Variants in KPNA1 observed in about 807,000 individuals in gnomAD.
The protein encoded by KPNA1 is karyopherin subunit alpha 1.
KPNA1 carries 10 observed loss-of-function variants against 70.5 expected under a neutral mutation model. The observed-to-expected ratio is 0.14, with a 90% CI of 0.09 to 0.24. The LOEUF (loss-of-function observed/expected upper bound fraction) is 0.24, where lower values mean the gene tolerates loss of function less well. Among genes scored for constraint, KPNA1 ranks in the 10% least tolerant of loss-of-function variants. KPNA1 has a pLI of 1.00. For missense variants in KPNA1, 397 were observed against 637.9 expected (o/e 0.62, Z 4.07); for synonymous variants, 192 against 221.9 (o/e 0.87, Z 1.20).
At chr3:122,481,492 T>C (rs1178579642) in intron 2 of KPNA1, among the ~76,000 whole-genome samples, 5 of 152,036 alleles carry the variant, frequency 3.3e-5, no homozygotes, top group Non-Finnish European at 5.9e-5. Context: ...AGACAGAAAG[T>C]AGATAAGGGT....
At chr3:122,474,836 A>G (rs772386813) in intron 2 of KPNA1, among the ~76,000 whole-genome samples, 1 of 152,174 alleles carries the variant, frequency 6.6e-6, no homozygotes, top group Non-Finnish European at 1.5e-5. Flanking sequence ...TCAACAAATT[A>G]GGTATAGAAA....
intron 5 of KPNA1, among the ~76,000 whole-genome samples, chr3:122,458,787 C>G (rs72958441): frequency 0.023 from 3,430 of 152,270 alleles, 91 homozygotes; most frequent in East Asian, 0.12. Context: ...ATCATCAAGT[C>G]TCCTGGCTTT....
chr3:122,461,205 A>G lies in KPNA1; in HGVS notation c.432+19T>C. On this transcript the variant is annotated intron_variant, in intron 5 of 13. Coordinates refer to ENST00000344337, the MANE Select transcript of KPNA1 (RefSeq NM_002264.4). ...AAAAGGAATTAAGTTATGAGGCAAT[A>G]AATAAAAATTATTCGCACCTGCAGT... is the stretch of plus-strand genomic sequence containing the variant. 2.7e-6 allele frequency: 4 copies of G among 1,491,156 alleles called. No homozygotes were observed. Among genetic ancestry groups the G allele is most frequent in the Non-Finnish European group, 3.7e-6 (4 of 1,088,838 alleles). The allele number at this position is 1,491,156 out of a possible 1,614,324, so 92.4% of individuals were successfully genotyped here. A position where few individuals can be genotyped will look rare whatever the true frequency, so the allele number is the denominator to read the frequency against.
At chr3:122,503,313 A>T (rs981908798) in intron 1 of KPNA1, among the ~76,000 whole-genome samples, 1 of 152,164 alleles carries the variant, frequency 6.6e-6, no homozygotes, top group Non-Finnish European at 1.5e-5. Context: ...AAAGATAAAC[A>T]ATTGAGAAAT....
In KPNA1 at chr3:122,451,679, T is replaced by C; in HGVS notation, c.654-46A>G. 2.5e-6 allele frequency: 3 copies of C among 1,213,042 alleles called. No individual in the cohort carries two copies. The South Asian group carries it at 3.8e-5, about 15-fold the overall frequency. 75.1% of individuals were successfully genotyped at this position (1,213,042 alleles called of 1,614,324 possible). A position where few individuals can be genotyped will look rare whatever the true frequency, so the allele number is the denominator to read the frequency against. ...TGGTAAACTATGTAACAGACAGTGA[T>C]TATCTGATGACATAAATACTAAATA... is the stretch of plus-strand genomic sequence containing the variant. On this transcript the variant is annotated intron_variant, in intron 7 of 13. Transcript: ENST00000344337.
chr3:122,503,136 AC>A (rs1466756392), intron 1 of KPNA1, among the ~76,000 whole-genome samples: 5 of 152,152 alleles, frequency 3.3e-5, no homozygotes, highest in Non-Finnish European at 7.4e-5. Context: ...GAAAAAGCCA[AC>A]AGTAAACTCC....
intron 2 of KPNA1, among the ~76,000 whole-genome samples, chr3:122,474,862 C>A (rs1255959471): frequency 6.6e-6 from 1 of 152,036 alleles, no homozygotes; most frequent in African/African-American, 2.4e-5. Flanking sequence ...TACCTCCACA[C>A]AATAAAGGCC....
At chr3:122,474,637 A>C (rs1351166479) in intron 2 of KPNA1, among the ~76,000 whole-genome samples, 1 of 152,188 alleles carries the variant, frequency 6.6e-6, no homozygotes, top group African/African-American at 2.4e-5. Flanking sequence ...AAAATTCAAC[A>C]AACAGCACAT....
chr3:122,463,046 T>C (rs1442818564), intron 4 of KPNA1, among the ~76,000 whole-genome samples: 8 of 151,844 alleles, frequency 5.3e-5, no homozygotes, highest in Non-Finnish European at 1.0e-4. Flanking sequence ...GGTGAAATCC[T>C]ATCTCTACTA....
At chr3:122,429,835 C>CA (rs938060259) in intron 12 of KPNA1, among the ~76,000 whole-genome samples, 2 of 152,072 alleles carry the variant, frequency 1.3e-5, no homozygotes, top group Non-Finnish European at 2.9e-5. Context: ...AAAGAACAAA[C>CA]AAAAAACCAG....
At chr3:122,504,369 C>T (rs900588803) in intron 1 of KPNA1, among the ~76,000 whole-genome samples, 1 of 152,250 alleles carries the variant, frequency 6.6e-6, no homozygotes, top group African/African-American at 2.4e-5. Context: ...TGTAAGGGCA[C>T]TAATTCCATT....
At chr3:122,461,484 G>T (rs2076323536) in intron 4 of KPNA1, among the ~76,000 whole-genome samples, 166 bp from the exon 5 acceptor site, 1 of 152,088 alleles carries the variant, frequency 6.6e-6, no homozygotes, top group South Asian at 2.1e-4. Context: ...TTGAGGACAG[G>T]GTAGTCTGAA....
rs1299772157 is a variant in KPNA1 at position 122,467,368 on chromosome 3, T to C, written c.191A>G (p.Asp64Gly). The C allele has an allele frequency of 1.2e-6, 2 of 1,610,412 alleles. No homozygotes were observed. The highest frequency in any genetic ancestry group is 2.2e-5 in the East Asian group (1 of 44,694). Residue 64 changes from aspartate to glycine, a missense_variant, in exon 3 of 14, where the codon GAT becomes GGT. Transcript: ENST00000344337. ...EEETEEEVMS[D>G]GGFHEAQISN... is the part of the protein sequence containing the mutation. ...AATCTGAGCCTCATGAAAGCCTCCA[T>C]CTGACATAACTTCTTCTTCTGTTTC... is the stretch of plus-strand genomic sequence containing the variant.
intron 1 of KPNA1, chr3:122,514,501 A>C (rs1390766554): frequency 6.6e-6 from 1 of 151,404 alleles, no homozygotes; most frequent in Non-Finnish European, 1.5e-5. Flanking sequence ...CGCCCCGCCT[A>C]GCCTCGACCG....
rs766984619 is a variant in KPNA1 at position 122,427,722 on chromosome 3, T to TA, written c.1251-7dup. On this transcript the variant is annotated splice_region_variant and splice_polypyrimidine_tract_variant and intron_variant, in intron 12 of 13. Coordinates refer to ENST00000344337, the MANE Select transcript of KPNA1 (RefSeq NM_002264.4). The stretch of plus-strand genomic sequence containing the variant: ...AACCCAGTTCTACTAGGTACCTAAA[T>TA]ACAAAGAATAATGTAGTCAAACAAA... 3.8e-5 allele frequency: 59 copies of TA among 1,553,342 alleles called. No individual in the cohort carries two copies. The highest frequency in any genetic ancestry group is 5.0e-5 in the Non-Finnish European group (57 of 1,147,114).
chr3:122,489,086 C>A (rs1167588773), intron 2 of KPNA1, among the ~76,000 whole-genome samples: 1 of 60,208 alleles, frequency 1.7e-5, no homozygotes, highest in South Asian at 5.7e-4. Flanking sequence ...GTGTGTGTGT[C>A]AGGGCAGGGC....
At chr3:122,496,639 C>T (rs2076764912) in intron 1 of KPNA1, 69 bp from the exon 2 acceptor site, 10 of 1,422,420 alleles carry the variant, frequency 7.0e-6, no homozygotes, top group African/African-American at 2.8e-5. Context: ...AGAGCTCAGT[C>T]TTTTAAACAT....
chr3:122,432,131 G>T (rs527630898), intron 12 of KPNA1, among the ~76,000 whole-genome samples: 1 of 152,248 alleles, frequency 6.6e-6, no homozygotes, highest in Non-Finnish European at 1.5e-5. Context: ...AAATATATTT[G>T]CTATAAAATA....
At chr3:122,430,515 AGTGTGTGTGT>A (rs10662409) in intron 12 of KPNA1, among the ~76,000 whole-genome samples, 13 of 141,474 alleles carry the variant, frequency 9.2e-5, no homozygotes, top group African/African-American at 2.6e-4. Context: ...CTGTACTACC[AGTGTGTGTGT>A]GTGTGTGTGT....
Sources: gnomAD v4.1 joint callset for allele counts (sites outside exome capture counted in the v4.1 genomes callset) on GRCh38, gnomAD v4.1.1 for gene constraint, MANE v1.5 for transcripts, NCBI Gene and HGNC (gene_info 2026-07-23, HGNC 2026-07-21) for gene names.